Variants in POGZ observed in about 807,000 individuals in gnomAD.
POGZ encodes the protein pogo transposable element derived with ZNF domain, also known as pogo transposable element with ZNF domain.
Under a neutral mutation model 134.6 loss-of-function variants are expected in POGZ, and 17 were observed. That is an observed-to-expected ratio of 0.13 (90% CI 0.09 to 0.19). The LOEUF (loss-of-function observed/expected upper bound fraction) is 0.19. Ranked by LOEUF, POGZ falls within the 10% of genes least tolerant of loss-of-function variation. POGZ has a pLI of 1.00. For synonymous variants in POGZ, 693 were observed against 657.1 expected (o/e 1.05, Z -0.84); for missense variants, 1,306 against 1,769.7 (o/e 0.74, Z 4.70).
intron 10 of POGZ, among the ~76,000 whole-genome samples, chr1:151,418,933 G>C (rs1359111607): frequency 6.9e-6 from 1 of 145,084 alleles, no homozygotes; most frequent in African/African-American, 2.6e-5. Context: ...GCTGAGGCAG[G>C]AGAATCGCTT....
chr1:151,445,069 A>C (rs1661073907), intron 1 of POGZ, among the ~76,000 whole-genome samples: 1 of 152,172 alleles, frequency 6.6e-6, no homozygotes. Flanking sequence ...AAAATAAAAA[A>C]CAAATGGAAA....
intron 1 of POGZ, among the ~76,000 whole-genome samples, chr1:151,451,408 C>T (rs1260430689): frequency 2.6e-5 from 4 of 151,864 alleles, no homozygotes; most frequent in Non-Finnish European, 5.9e-5. Flanking sequence ...CTCACTGCAA[C>T]CTTCACCTCC....
chr1:151,407,125 C>A, intron 16 of POGZ, 102 bp from the exon 17 acceptor site: 1 of 1,216,356 alleles, frequency 8.2e-7, no homozygotes, highest in Non-Finnish European at 1.2e-6. Flanking sequence ...CTCCCACTTT[C>A]TCCTTTTTCT....
chr1:151,446,254 G>GAA (rs142998370), intron 1 of POGZ, among the ~76,000 whole-genome samples: 401 of 39,180 alleles, frequency 0.01, 11 homozygotes, highest in African/African-American at 0.025. Flanking sequence ...TTCTCATAAG[G>GAA]AAAAAAAAAA....
chr1:151,419,740 CGAAAGA>C (rs907031295), intron 10 of POGZ, among the ~76,000 whole-genome samples: 2 of 135,360 alleles, frequency 1.5e-5, no homozygotes, highest in African/African-American at 5.5e-5. Context: ...AAGGAAATTA[CGAAAGA>C]CTGCAAGAAT....
intron 10 of POGZ, among the ~76,000 whole-genome samples, chr1:151,415,190 C>T (rs929099829): frequency 2.0e-5 from 3 of 152,236 alleles, no homozygotes; most frequent in African/African-American, 7.2e-5. Context: ...CGACAGGCTC[C>T]GACTCCTAAA....
At chr1:151,412,727 G>A (rs1269319268) in intron 10 of POGZ, among the ~76,000 whole-genome samples, 2 of 151,818 alleles carry the variant, frequency 1.3e-5, no homozygotes, top group African/African-American at 4.8e-5. Flanking sequence ...TTCTTCCTGA[G>A]CTCAAAATTT....
chr1:151,424,766 C>A (rs1223090455), intron 8 of POGZ, among the ~76,000 whole-genome samples, 189 bp downstream of exon 8: 2 of 152,208 alleles, frequency 1.3e-5, no homozygotes, highest in Non-Finnish European at 1.5e-5. Context: ...ATGTTCTGAT[C>A]TATTTGAGGG....
chr1:151,447,642 A>ATTTT (rs35308281), intron 1 of POGZ, among the ~76,000 whole-genome samples: 3 of 52,982 alleles, frequency 5.7e-5, no homozygotes, highest in African/African-American at 1.3e-4. Flanking sequence ...TGTCTGGCTA[A>ATTTT]TTTTTTTTTT....
chr1:151,445,465 T>C (rs1661128878), intron 1 of POGZ, among the ~76,000 whole-genome samples: 1 of 136,786 alleles, frequency 7.3e-6, no homozygotes, highest in Non-Finnish European at 1.5e-5. Context: ...GAGGTTGCAG[T>C]GAGCCAAGAT....
rs61818040 is a variant in POGZ, at chr1:151,402,789, T to C, written c.*2013A>G. 2.0e-5 allele frequency: 3 copies of C among 152,284 alleles called. No individual in the cohort carries two copies. In the South Asian group the frequency reaches 6.2e-4, roughly 32 times the overall value. The allele number at this position is 152,284 out of a possible 1,614,324, so 9.4% of individuals were successfully genotyped here. A position where few individuals can be genotyped will look rare whatever the true frequency, so the allele number is the denominator to read the frequency against. ...TAAAAAACAAAACCAAAAAAAAATT[T>C]CCTTCTACTACTAAGCCATGCAGGC... On this transcript the variant is annotated 3_prime_UTR_variant, in exon 19 of 19. Transcript: ENST00000271715.
At chr1:151,419,368 A>G (rs891179041) in intron 10 of POGZ, among the ~76,000 whole-genome samples, 1 of 151,098 alleles carries the variant, frequency 6.6e-6, no homozygotes, top group African/African-American at 2.4e-5. Context: ...CCAAAAAAAA[A>G]GCTGAGCACG....
chr1:151,458,674 G>C (rs1299920434), intron 1 of POGZ, among the ~76,000 whole-genome samples: 1 of 142,388 alleles, frequency 7.0e-6, no homozygotes, highest in African/African-American at 2.5e-5. Context: ...CCGCCGTCTC[G>C]CCACCGCCCG....
At chr1:151,409,405 C>G (rs1180960960) in intron 12 of POGZ, among the ~76,000 whole-genome samples, 2 of 152,122 alleles carry the variant, frequency 1.3e-5, no homozygotes, top group African/African-American at 4.8e-5. Flanking sequence ...GACAGGGTCT[C>G]TCTCTGTAGC....
At chr1:151,457,395 C>A (rs1349795160) in intron 1 of POGZ, among the ~76,000 whole-genome samples, 2 of 149,890 alleles carry the variant, frequency 1.3e-5, no homozygotes, top group Non-Finnish European at 2.9e-5. Context: ...AAGATGACAA[C>A]CCCCCTCTGC....
rs180771300 is a variant in POGZ at position 151,452,351 on chromosome 1, T to C, written c.-2+6801A>G. Reference sequence around the variant, plus strand: ...TCAAGGGGTTAAGCAAATACATAGATATTTGGCTTTTTTTTTTGAGACAGG... The same window carrying C: ...TCAAGGGGTTAAGCAAATACATAGACATTTGGCTTTTTTTTTTGAGACAGG... On this transcript the variant is annotated intron_variant, in intron 1 of 18. Transcript: ENST00000271715. Among the ~76,000 whole-genome samples, 506 of 151,784 alleles carry C rather than the reference T, an allele frequency of 3.3e-3. 4 individuals carry two copies. The highest frequency in any genetic ancestry group is 5.3e-3 in the Non-Finnish European group (359 of 67,996).
intron 3 of POGZ, 149 bp downstream of exon 3, chr1:151,440,779 T>C: frequency 4.8e-6 from 3 of 624,962 alleles, no homozygotes; most frequent in Non-Finnish European, 8.4e-6. Context: ...CAGAAATCAC[T>C]TCCGTATCAG....
chr1:151,403,915 C>T lies in POGZ; in HGVS notation c.*887G>A, dbSNP rs1387362488. The T allele has an allele frequency of 2.0e-6, 2 of 985,450 alleles. No homozygotes were observed. The highest frequency in any genetic ancestry group is 2.4e-6 in the Non-Finnish European group (2 of 829,914). The allele number at this position is 985,450 out of a possible 1,614,324, so 61.0% of individuals were successfully genotyped here. On this transcript the variant is annotated 3_prime_UTR_variant, in exon 19 of 19. Transcript: ENST00000271715. Reference sequence around the variant, plus strand: ...ACTGGGAATGGCTTCCACCCTAAAACTGTTTGATCGCTTCAGTATCTCTTG... The same window carrying T: ...ACTGGGAATGGCTTCCACCCTAAAATTGTTTGATCGCTTCAGTATCTCTTG...
chr1:151,433,367 G>A (rs1659033814), intron 3 of POGZ, among the ~76,000 whole-genome samples: 1 of 152,102 alleles, frequency 6.6e-6, no homozygotes, highest in African/African-American at 2.4e-5. Flanking sequence ...CAGCATTTTG[G>A]GAGGCTGAGG....
Sources: allele counts gnomAD v4.1 joint callset (sites outside exome capture counted in the v4.1 genomes callset), GRCh38; gene constraint gnomAD v4.1.1; transcripts MANE v1.5; gene names NCBI Gene and HGNC (gene_info 2026-07-23, HGNC 2026-07-21).